The following MGMT variants were observed in gnomAD, a reference collection of about 807,000 sequenced individuals.
The protein encoded by MGMT is methylated-DNA--protein-cysteine methyltransferase.
MGMT carries 14 observed loss-of-function variants against 15.9 expected under a neutral mutation model. The ratio of observed to expected loss-of-function variants is 0.88; its 90% CI spans 0.58 to 1.37. The LOEUF (loss-of-function observed/expected upper bound fraction) is 1.37, where lower values mean the gene tolerates loss of function less well. Ranked by LOEUF, MGMT falls within the 40% of genes most tolerant of loss-of-function variation. MGMT has a pLI of 0.00. For synonymous variants in MGMT, 130 were observed against 118.2 expected (o/e 1.10, Z -0.65); for missense variants, 282 against 268.1 (o/e 1.05, Z -0.36).
chr10:129,708,974 T>G (rs1231109732), intron 3 of MGMT, among the ~76,000 whole-genome samples: 1 of 152,220 alleles, frequency 6.6e-6, no homozygotes, highest in Non-Finnish European at 1.5e-5. Flanking sequence ...AAGAAACCCC[T>G]GAAGGTTGGG....
chr10:129,536,925 G>A (rs549623192), intron 2 of MGMT: 1 of 152,294 alleles, frequency 6.6e-6, no homozygotes, highest in Non-Finnish European at 1.5e-5. Flanking sequence ...GGCCCTGCCA[G>A]GGGGAAGGGC....
rs1848737081 is a variant in MGMT, at chr10:129,750,159, T to C, written c.275-9043T>C. On this transcript the variant is annotated intron_variant, in intron 3 of 4. Transcript: ENST00000651593. ...ATTCATTTTTTTCTTTCATGAATCA[T>C]GTTGTATCTAAAAACTCTTCTCCCA... Among the ~76,000 whole-genome samples the C allele has an allele frequency of 2.0e-5, 3 of 152,152 alleles. No individual in the cohort carries two copies. The East Asian group carries it at 5.8e-4, about 29-fold the overall frequency.
At chr10:129,490,265 T>A (rs1183290196) in intron 1 of MGMT, among the ~76,000 whole-genome samples, 3 of 152,188 alleles carry the variant, frequency 2.0e-5, no homozygotes, top group Non-Finnish European at 2.9e-5. Flanking sequence ...TTAAGTGATT[T>A]TTCTGCATCT....
chr10:129,729,925 C>A (rs1251610428), intron 3 of MGMT, among the ~76,000 whole-genome samples: 1 of 152,136 alleles, frequency 6.6e-6, no homozygotes, highest in East Asian at 1.9e-4. Flanking sequence ...GTCAGCATTC[C>A]CTGAAACACA....
intron 2 of MGMT, among the ~76,000 whole-genome samples, chr10:129,643,427 T>A (rs1242620810): frequency 6.6e-6 from 1 of 152,116 alleles, no homozygotes; most frequent in African/African-American, 2.4e-5. Flanking sequence ...GGCTGACAAA[T>A]CCAGGGGGAA....
At chr10:129,488,242 T>TG (rs1158535363) in intron 1 of MGMT, among the ~76,000 whole-genome samples, 1 of 152,086 alleles carries the variant, frequency 6.6e-6, no homozygotes, top group African/African-American at 2.4e-5. Flanking sequence ...CACCAAAACT[T>TG]GGAGTTATCA....
intron 1 of MGMT, among the ~76,000 whole-genome samples, chr10:129,534,196 A>G (rs569133625): frequency 6.6e-6 from 1 of 152,254 alleles, no homozygotes; most frequent in Non-Finnish European, 1.5e-5. Flanking sequence ...CCCTGCCTTT[A>G]TCTGGCCCCT....
At chr10:129,638,591 A>G (rs866274346) in intron 2 of MGMT, among the ~76,000 whole-genome samples, 4 of 152,260 alleles carry the variant, frequency 2.6e-5, no homozygotes, top group African/African-American at 9.6e-5. Context: ...GTCAACAGCA[A>G]TATTGAATGT....
At chr10:129,727,203 T>G (rs182043682) in intron 3 of MGMT, among the ~76,000 whole-genome samples, 30 of 152,232 alleles carry the variant, frequency 2.0e-4, no homozygotes, top group African/African-American at 7.2e-4. Flanking sequence ...TACAGCAGGA[T>G]ATGGAGGAAG....
chr10:129,758,133 A>G (rs891228797), intron 3 of MGMT, among the ~76,000 whole-genome samples: 1 of 152,190 alleles, frequency 6.6e-6, no homozygotes, highest in Non-Finnish European at 1.5e-5. Flanking sequence ...TTTTTTTCCC[A>G]GTGAAGTGAT....
At chr10:129,754,489 T>C (rs1300232318) in intron 3 of MGMT, among the ~76,000 whole-genome samples, 1 of 152,148 alleles carries the variant, frequency 6.6e-6, no homozygotes, top group African/African-American at 2.4e-5. Flanking sequence ...ACAGGATTGC[T>C]TAGGGAGGAG....
intron 3 of MGMT, among the ~76,000 whole-genome samples, chr10:129,736,111 A>G: frequency 7.5e-6 from 1 of 133,718 alleles, no homozygotes; most frequent in Non-Finnish European, 1.6e-5. Context: ...ATTCCTGGGT[A>G]TCCTTGTTGA....
intron 2 of MGMT, among the ~76,000 whole-genome samples, chr10:129,612,331 C>T (rs1038187449): frequency 1.3e-5 from 2 of 152,050 alleles, no homozygotes; most frequent in Non-Finnish European, 2.9e-5. Flanking sequence ...ATGTTAGTGC[C>T]GGAGAGGTAT....
intron 1 of MGMT, among the ~76,000 whole-genome samples, chr10:129,478,993 G>T (rs907982833): frequency 6.6e-6 from 1 of 152,162 alleles, no homozygotes; most frequent in East Asian, 1.9e-4. Context: ...GTTTATCCTT[G>T]AAATCAATAA....
chr10:129,496,288 C>T (rs756155422), intron 1 of MGMT, among the ~76,000 whole-genome samples: 3 of 152,064 alleles, frequency 2.0e-5, no homozygotes, highest in Non-Finnish European at 4.4e-5. Flanking sequence ...AAAGCTGGTC[C>T]GATTCTTGCC....
intron 2 of MGMT, among the ~76,000 whole-genome samples, chr10:129,641,847 A>T (rs1847331171): frequency 6.6e-6 from 1 of 152,244 alleles, no homozygotes; most frequent in Non-Finnish European, 1.5e-5. Context: ...GAAACATCCT[A>T]GAATTTTAAA....
intron 1 of MGMT, among the ~76,000 whole-genome samples, chr10:129,504,981 A>G (rs1025249404): frequency 2.0e-5 from 3 of 152,074 alleles, no homozygotes; most frequent in African/African-American, 7.2e-5. Context: ...GACTTGTAGG[A>G]TATCTAACAA....
At chr10:129,758,167 T>G (rs998080427) in intron 3 of MGMT, among the ~76,000 whole-genome samples, 4 of 152,152 alleles carry the variant, frequency 2.6e-5, no homozygotes, top group African/African-American at 4.8e-5. Context: ...AGTTAAGAAG[T>G]GATTTTTATT....
At chr10:129,619,115 G>A (rs1028529051) in intron 2 of MGMT, among the ~76,000 whole-genome samples, 3 of 152,148 alleles carry the variant, frequency 2.0e-5, no homozygotes, top group Non-Finnish European at 2.9e-5. Context: ...ACACATTCTT[G>A]TAAATTCCCA....
Sources: allele counts gnomAD v4.1 joint callset (sites outside exome capture counted in the v4.1 genomes callset), GRCh38; gene constraint gnomAD v4.1.1; transcripts MANE v1.5; gene names NCBI Gene and HGNC (gene_info 2026-07-23, HGNC 2026-07-21).